The following ENPEP variants were observed in gnomAD, a reference collection of about 807,000 sequenced individuals.
ENPEP encodes glutamyl aminopeptidase, also known as AP-A.
Under a neutral mutation model 114.5 loss-of-function variants are expected in ENPEP, and 103 were observed. The ratio of observed to expected loss-of-function variants is 0.90; its 90% CI spans 0.77 to 1.06. The LOEUF (loss-of-function observed/expected upper bound fraction) is 1.06, where lower values mean the gene tolerates loss of function less well. Ranked by LOEUF, ENPEP falls within the 50% of genes least tolerant of loss-of-function variation. ENPEP has a pLI of 0.00. For synonymous variants in ENPEP, 420 were observed against 422.0 expected (o/e 1.00, Z 0.06); for missense variants, 1,196 against 1,161.3 (o/e 1.03, Z -0.43).
chr4:110,554,119 T>C (rs1727388590), intron 18 of ENPEP, among the ~76,000 whole-genome samples: 1 of 152,002 alleles, frequency 6.6e-6, no homozygotes, highest in Non-Finnish European at 1.5e-5. Flanking sequence ...AAGGCAGTTC[T>C]TTGATAGAGT....
chr4:110,482,896 C>G (rs994294351), intron 1 of ENPEP, among the ~76,000 whole-genome samples: 1 of 152,112 alleles, frequency 6.6e-6, no homozygotes, highest in South Asian at 2.1e-4. Context: ...GTAATCCCAG[C>G]TACTCTGGAG....
At chr4:110,533,420 CAAA>C (rs33956210) in intron 11 of ENPEP, 216 of 121,316 alleles carry the variant, frequency 1.8e-3, no homozygotes, top group Non-Finnish European at 1.9e-3. Flanking sequence ...AGTGCTGGAG[CAAA>C]AAAAAAAAAA....
intron 3 of ENPEP, among the ~76,000 whole-genome samples, chr4:110,502,198 A>G (rs1212369574): frequency 2.6e-5 from 4 of 152,212 alleles, no homozygotes; most frequent in African/African-American, 7.2e-5. Context: ...AGTTGGATGC[A>G]TAGTTTGCAA....
intron 18 of ENPEP, among the ~76,000 whole-genome samples, chr4:110,557,661 T>G (rs948566785): frequency 6.6e-6 from 1 of 152,054 alleles, no homozygotes; most frequent in Non-Finnish European, 1.5e-5. Context: ...CCTGGGGAGA[T>G]CTAGGAAATG....
chr4:110,531,702 A>C lies in ENPEP; in HGVS notation c.1807+425A>C, dbSNP rs190058902. 2.6e-5 allele frequency among the ~76,000 whole-genome samples: 4 copies of C among 152,062 alleles called. No homozygotes were observed. In the East Asian group the frequency reaches 7.7e-4, roughly 29 times the overall value. ...TTTTTTGGAAATATATTTGTGTTCT[A>C]TCTGCACTGATTTATTTTTTCCTTA... On this transcript the variant is annotated intron_variant, in intron 11 of 19. Coordinates refer to ENST00000265162, the MANE Select transcript of ENPEP (RefSeq NM_001977.4).
intron 10 of ENPEP, among the ~76,000 whole-genome samples, chr4:110,523,773 T>G (rs920463964): frequency 6.6e-6 from 1 of 152,158 alleles, no homozygotes; most frequent in Non-Finnish European, 1.5e-5. Context: ...TGGGAGAAAG[T>G]GTTGGGATAC....
At chr4:110,542,916 TA>T in intron 12 of ENPEP, 29 bp downstream of exon 12, 1 of 1,610,664 alleles carries the variant, frequency 6.2e-7, no homozygotes, top group Non-Finnish European at 8.5e-7. Context: ...TGGAAACTTT[TA>T]TTTTTGTTCT....
At chr4:110,489,612 A>AT (rs1218312130) in intron 2 of ENPEP, among the ~76,000 whole-genome samples, 7 of 152,170 alleles carry the variant, frequency 4.6e-5, no homozygotes, top group African/African-American at 1.7e-4. Context: ...AAAAATTTTA[A>AT]AAGGCTGATA....
intron 3 of ENPEP, among the ~76,000 whole-genome samples, chr4:110,493,033 T>C (rs1196962125): frequency 6.6e-6 from 1 of 152,168 alleles, no homozygotes; most frequent in Non-Finnish European, 1.5e-5. Context: ...GTAAGAACAA[T>C]GCATTTAACC....
chr4:110,503,737 C>A (rs1284538171), intron 3 of ENPEP, among the ~76,000 whole-genome samples: 1 of 152,168 alleles, frequency 6.6e-6, no homozygotes, highest in African/African-American at 2.4e-5. Flanking sequence ...TGAGTACAGT[C>A]AGTTGATTTC....
At chr4:110,481,985 T>A (rs1032025851) in intron 1 of ENPEP, among the ~76,000 whole-genome samples, 1 of 151,646 alleles carries the variant, frequency 6.6e-6, no homozygotes, top group African/African-American at 2.4e-5. Flanking sequence ...GACAAGAAAA[T>A]TAGTTTGTAG....
In ENPEP at chr4:110,542,811, A is replaced by G. The variant is rs200838648; in HGVS notation, c.1868A>G (p.His623Arg). 1.9e-4 allele frequency: 312 copies of G among 1,612,648 alleles called. No homozygotes were observed. Among genetic ancestry groups the G allele is most frequent in the Non-Finnish European group, 2.3e-4 (275 of 1,178,856 alleles). Residue 623 changes from histidine (H) to arginine (R), a missense_variant, in exon 12 of 20, where the codon CAT (histidine) becomes CGT (arginine). Physicochemically the swap from His to Arg is conservative, Grantham distance 29. Transcript: ENST00000265162. Reference protein sequence around the residue: ...GNAFLKINPDHIGFYRVNYEV... With the variant: ...GNAFLKINPDRIGFYRVNYEV... ...GCTTTTCTCAAAATAAACCCAGATCATATTGGGTTTTATCGTGTAAATTAT... is the reference window on the plus strand; with the variant it reads ...GCTTTTCTCAAAATAAACCCAGATCGTATTGGGTTTTATCGTGTAAATTAT...
Position 110,519,872 on chromosome 4 carries a change from C to T in ENPEP, c.1510-136C>T, listed in dbSNP as rs957054933. Reference sequence around the variant, plus strand: ...CAAATATCAATGCAACAGCCGTGCTCATTCATGTACATGTTATCTATGGCT... The same window carrying T: ...CAAATATCAATGCAACAGCCGTGCTTATTCATGTACATGTTATCTATGGCT... On this transcript the variant is annotated intron_variant, in intron 8 of 19. Transcript: ENST00000265162. The T allele has an allele frequency of 1.4e-5, 9 of 638,202 alleles. No individual in the cohort carries two copies. In the African/African-American group the frequency reaches 1.7e-4, roughly 12 times the overall value. The allele number at this position is 638,202 out of a possible 1,614,324, so 39.5% of individuals were successfully genotyped here. A position where few individuals can be genotyped will look rare whatever the true frequency, so the allele number is the denominator to read the frequency against.
At chr4:110,509,932 C>A in intron 5 of ENPEP, 125 bp downstream of exon 5, 2 of 1,291,784 alleles carry the variant, frequency 1.5e-6, no homozygotes, top group African/African-American at 1.5e-5. Context: ...GCATGAAAAT[C>A]TTTCTTGGTA....
At chr4:110,479,245 T>G (rs1239857882) in intron 1 of ENPEP, among the ~76,000 whole-genome samples, 1 of 152,174 alleles carries the variant, frequency 6.6e-6, no homozygotes, top group African/African-American at 2.4e-5. Flanking sequence ...CTTCCACAAA[T>G]GATTCGATGG....
intron 8 of ENPEP, chr4:110,519,548 A>C (rs528659123): frequency 6.1e-6 from 1 of 164,144 alleles, no homozygotes; most frequent in Non-Finnish European, 1.3e-5. Flanking sequence ...TTAAATCTAA[A>C]AGACTTGTAC....
chr4:110,491,816 GTTCAAGTGA>G (rs1724737414), intron 3 of ENPEP, among the ~76,000 whole-genome samples: 1 of 150,832 alleles, frequency 6.6e-6, no homozygotes, highest in Admixed American at 6.6e-5. Context: ...CACCTCCCGG[GTTCAAGTGA>G]TTCTCTTGCC....
At chr4:110,535,914 G>A (rs1265742693) in intron 11 of ENPEP, among the ~76,000 whole-genome samples, 3 of 152,162 alleles carry the variant, frequency 2.0e-5, no homozygotes, top group Non-Finnish European at 4.4e-5. Flanking sequence ...TGAAGGCTCA[G>A]ATGATTGTTA....
At position 110,497,472 on chromosome 4, in the gene ENPEP, T is replaced by A. The variant is rs118140689; in HGVS notation, c.918+6308T>A. ...AAATAATAAAAATAATGTAAGATTTTATGGGGTAATTTAGATTTTTTAATG... is the reference window on the plus strand; with the variant it reads ...AAATAATAAAAATAATGTAAGATTTAATGGGGTAATTTAGATTTTTTAATG... On this transcript the variant is annotated intron_variant, in intron 3 of 19. Transcript: ENST00000265162. Among the ~76,000 whole-genome samples the A allele has an allele frequency of 3.0e-3, 458 of 152,178 alleles. 13 individuals carry two copies. In the East Asian group the frequency reaches 0.058, roughly 19 times the overall value.
Sources: allele counts gnomAD v4.1 joint callset (sites outside exome capture counted in the v4.1 genomes callset), GRCh38; gene constraint gnomAD v4.1.1; transcripts MANE v1.5; gene names NCBI Gene and HGNC (gene_info 2026-07-23, HGNC 2026-07-21).